The following TBX15 variants were observed in gnomAD, a reference collection of about 807,000 sequenced individuals.
TBX15 encodes the protein T-box transcription factor TBX15.
TBX15 carries 18 observed loss-of-function variants against 53.9 expected under a neutral mutation model. The ratio of observed to expected loss-of-function variants is 0.33; its 90% CI spans 0.23 to 0.49. TBX15 has a LOEUF of 0.49. Ranked by LOEUF, TBX15 falls within the 20% of genes least tolerant of loss-of-function variation. The pLI is 0.98. For synonymous variants in TBX15, 295 were observed against 278.0 expected (o/e 1.06, Z -0.61); for missense variants, 692 against 749.5 (o/e 0.92, Z 0.90).
chr1:118,957,107 T>G (rs1253500354), intron 1 of TBX15, among the ~76,000 whole-genome samples: 1 of 152,182 alleles, frequency 6.6e-6, no homozygotes, highest in Non-Finnish European at 1.5e-5. Context: ...ATTTAGAAAA[T>G]TATACTTGGC....
chr1:118,940,036 G>T (rs1250302074), intron 1 of TBX15, among the ~76,000 whole-genome samples: 1 of 151,894 alleles, frequency 6.6e-6, no homozygotes, highest in East Asian at 1.9e-4. Flanking sequence ...TAGAGTTGAT[G>T]CTCTTTTCAT....
At chr1:118,931,923 G>T in intron 1 of TBX15, 91 bp from the exon 2 acceptor site, 1 of 1,274,158 alleles carries the variant, frequency 7.8e-7, no homozygotes, top group Non-Finnish European at 1.1e-6. Flanking sequence ...ATGCAATGAA[G>T]TGGGGAGAGG....
chr1:118,901,833 C>T (rs946161485), intron 6 of TBX15, among the ~76,000 whole-genome samples: 16 of 152,260 alleles, frequency 1.1e-4, no homozygotes, highest in African/African-American at 3.9e-4. Context: ...AAGGAGTCCA[C>T]CTGCCACATC....
intron 1 of TBX15, among the ~76,000 whole-genome samples, chr1:118,981,076 G>T (rs189955682): frequency 0.022 from 3,405 of 151,950 alleles, 129 homozygotes; most frequent in African/African-American, 0.078. Context: ...CGTGATCCCC[G>T]CCCCCCGCCT....
intron 7 of TBX15, among the ~76,000 whole-genome samples, chr1:118,886,718 A>G (rs73007534): frequency 0.059 from 8,949 of 152,244 alleles, 864 homozygotes; most frequent in African/African-American, 0.21. Flanking sequence ...TTGTTAAAGC[A>G]TAGATTGCTG....
intron 1 of TBX15, among the ~76,000 whole-genome samples, chr1:118,986,503 T>G (rs1657841894): frequency 6.6e-6 from 1 of 152,184 alleles, no homozygotes; most frequent in Non-Finnish European, 1.5e-5. Context: ...AATTGAACTG[T>G]CACTGCCTAA....
At chr1:118,947,956 A>G (rs1656397223) in intron 1 of TBX15, among the ~76,000 whole-genome samples, 1 of 152,182 alleles carries the variant, frequency 6.6e-6, no homozygotes, top group East Asian at 1.9e-4. Flanking sequence ...CCTACCCAGC[A>G]TCTTGTTCCA....
chr1:118,883,453 G>C lies in TBX15; in HGVS notation c.*1279C>G. 1 of 152,362 alleles carries C rather than the reference G, an allele frequency of 6.6e-6. No individual in the cohort carries two copies. The highest frequency in any genetic ancestry group is 2.1e-4 in the South Asian group (1 of 4,824). 9.4% of individuals were successfully genotyped at this position (152,362 alleles called of 1,614,324 possible). On this transcript the variant is annotated 3_prime_UTR_variant, in exon 8 of 8. Transcript: ENST00000369429. Reference sequence around the variant, plus strand: ...ATCTAAGGGCAGGTAGAAGGGTATAGAAGACCCATCTGCAATTCCCTGGGA... The same window carrying C: ...ATCTAAGGGCAGGTAGAAGGGTATACAAGACCCATCTGCAATTCCCTGGGA...
intron 5 of TBX15, among the ~76,000 whole-genome samples, 168 bp from the exon 6 acceptor site, chr1:118,914,347 C>G (rs1362095848): frequency 1.3e-5 from 2 of 152,150 alleles, no homozygotes; most frequent in African/African-American, 2.4e-5. Context: ...TGGCCTGGCA[C>G]ACAGATGTCT....
At chr1:118,897,739 G>A (rs114404923) in intron 7 of TBX15, among the ~76,000 whole-genome samples, 2,072 of 152,166 alleles carry the variant, frequency 0.014, 51 homozygotes, top group African/African-American at 0.047. Context: ...ATGGCCATCC[G>A]TGAGGGCCTC....
At chr1:118,938,854 T>G (rs965941882) in intron 1 of TBX15, among the ~76,000 whole-genome samples, 4 of 152,218 alleles carry the variant, frequency 2.6e-5, no homozygotes, top group Admixed American at 2.6e-4. Flanking sequence ...TGCTTTTTGC[T>G]TATTGATTTG....
chr1:118,970,968 C>CA (rs1465421748), intron 1 of TBX15, among the ~76,000 whole-genome samples: 5 of 152,234 alleles, frequency 3.3e-5, no homozygotes, highest in African/African-American at 9.6e-5. Context: ...CAGGAAAACA[C>CA]ACACTATCTG....
chr1:118,958,567 T>G (rs554193192), intron 1 of TBX15, among the ~76,000 whole-genome samples: 2 of 152,320 alleles, frequency 1.3e-5, no homozygotes, highest in Admixed American at 1.3e-4. Flanking sequence ...TTATTTATCT[T>G]GATCAGTGAT....
rs1380501703 is a variant in TBX15 at position 118,988,016 on chromosome 1, G to A, written c.-221C>T. On this transcript the variant is annotated 5_prime_UTR_variant, in exon 1 of 8. Coordinates refer to ENST00000369429, the MANE Select transcript of TBX15 (RefSeq NM_001330677.2). Reference sequence around the variant, plus strand: ...GCCCCTACGCTGGCCCAGCTGCTAGGAACTAGCGCCCCGAGCGCCGCCCGC... The same window carrying A: ...GCCCCTACGCTGGCCCAGCTGCTAGAAACTAGCGCCCCGAGCGCCGCCCGC... 8 of 629,276 alleles carry A rather than the reference G, an allele frequency of 1.3e-5. No individual in the cohort carries two copies. Among genetic ancestry groups the A allele is most frequent in the East Asian group, 1.1e-4 (4 of 34,788 alleles). The allele number at this position is 629,276 out of a possible 1,614,324, so 39.0% of individuals were successfully genotyped here. A position where few individuals can be genotyped will look rare whatever the true frequency, so the allele number is the denominator to read the frequency against.
At chr1:118,961,238 C>G (rs1179619511) in intron 1 of TBX15, among the ~76,000 whole-genome samples, 1 of 152,206 alleles carries the variant, frequency 6.6e-6, no homozygotes, top group East Asian at 1.9e-4. Context: ...TTTCACTTGT[C>G]TGATTACATA....
intron 5 of TBX15, among the ~76,000 whole-genome samples, chr1:118,920,817 A>G (rs1655400482): frequency 6.6e-6 from 1 of 152,196 alleles, no homozygotes; most frequent in African/African-American, 2.4e-5. Flanking sequence ...CAGTAGAAGC[A>G]AAAGACATTA....
intron 3 of TBX15, among the ~76,000 whole-genome samples, chr1:118,925,186 A>G (rs1193846355): frequency 6.6e-6 from 1 of 152,210 alleles, no homozygotes; most frequent in Non-Finnish European, 1.5e-5. Flanking sequence ...GCTATAGAAA[A>G]GGCATTTTAC....
At chr1:118,946,145 A>G (rs947772086) in intron 1 of TBX15, among the ~76,000 whole-genome samples, 2 of 152,226 alleles carry the variant, frequency 1.3e-5, no homozygotes, top group African/African-American at 4.8e-5. Flanking sequence ...AGTTTAAAAT[A>G]CAAATGCTAT....
intron 1 of TBX15, among the ~76,000 whole-genome samples, chr1:118,944,165 GAA>G (rs1420370580): frequency 6.6e-6 from 1 of 152,094 alleles, no homozygotes; most frequent in Admixed American, 6.6e-5. Flanking sequence ...GACCCTCCAG[GAA>G]AAGTCTTCCT....
Sources: allele counts gnomAD v4.1 joint callset (sites outside exome capture counted in the v4.1 genomes callset), GRCh38; gene constraint gnomAD v4.1.1; transcripts MANE v1.5; gene names NCBI Gene and HGNC (gene_info 2026-07-23, HGNC 2026-07-21).